The following ATG7 variants were observed in gnomAD, a reference collection of about 807,000 sequenced individuals.
The protein encoded by ATG7 is ubiquitin-like modifier-activating enzyme ATG7.
ATG7 carries 70 observed loss-of-function variants against 82.4 expected under a neutral mutation model. The ratio of observed to expected loss-of-function variants is 0.85; its 90% CI spans 0.70 to 1.04. The LOEUF (loss-of-function observed/expected upper bound fraction) is 1.04, where lower values mean the gene tolerates loss of function less well. Ranked by LOEUF, ATG7 falls within the 50% of genes least tolerant of loss-of-function variation. ATG7 has a pLI of 0.00. For missense variants in ATG7, 792 were observed against 864.3 expected, an observed-to-expected ratio of 0.92 and a Z score of 1.05; for synonymous variants, 287 against 313.0, an observed-to-expected ratio of 0.92 and a Z score of 0.88.
At chr3:11,503,013 T>A (rs987836811) in intron 20 of ATG7, among the ~76,000 whole-genome samples, 1 of 152,142 alleles carries the variant, frequency 6.6e-6, no homozygotes, top group East Asian at 1.9e-4. Context: ...ATTAAATGAA[T>A]GTTTACATAC....
chr3:11,541,270 G>A (rs111974898), intron 20 of ATG7, among the ~76,000 whole-genome samples: 3 of 152,332 alleles, frequency 2.0e-5, no homozygotes, highest in African/African-American at 7.2e-5. Context: ...AGTTAAGGGT[G>A]AAAGTTCATT....
chr3:11,352,086 G>A (rs1252035728), intron 14 of ATG7, among the ~76,000 whole-genome samples: 1 of 149,080 alleles, frequency 6.7e-6, no homozygotes, highest in Non-Finnish European at 1.5e-5. Flanking sequence ...CCACATATGA[G>A]TGAGAACACG....
intron 13 of ATG7, 115 bp downstream of exon 13, chr3:11,342,394 C>G (rs1953792905): frequency 7.7e-7 from 1 of 1,295,770 alleles, no homozygotes; most frequent in African/African-American, 1.5e-5. Flanking sequence ...ATCTCTCCCT[C>G]CCTTCCTTTT....
intron 1 of ATG7, among the ~76,000 whole-genome samples, chr3:11,274,838 T>G (rs1941358849): frequency 6.6e-6 from 1 of 151,864 alleles, no homozygotes; most frequent in South Asian, 2.1e-4. Flanking sequence ...CAGTAGTCAT[T>G]AATATTGCCA....
At chr3:11,336,641 G>T (rs1278884605) in intron 11 of ATG7, among the ~76,000 whole-genome samples, 1 of 152,072 alleles carries the variant, frequency 6.6e-6, no homozygotes, top group Non-Finnish European at 1.5e-5. Flanking sequence ...CATGGTAATG[G>T]TATAAGGAGT....
intron 13 of ATG7, among the ~76,000 whole-genome samples, chr3:11,347,612 C>T (rs1297712538): frequency 6.6e-6 from 1 of 152,158 alleles, no homozygotes; most frequent in East Asian, 1.9e-4. Flanking sequence ...GTGACACTGT[C>T]AAAAATAATT....
intron 14 of ATG7, among the ~76,000 whole-genome samples, chr3:11,353,545 C>A (rs980394960): frequency 1.3e-5 from 2 of 152,158 alleles, no homozygotes; most frequent in Non-Finnish European, 1.5e-5. Context: ...GAATTGTGAT[C>A]CTCACTGTTG....
the ATG7 span, among the ~76,000 whole-genome samples, chr3:11,568,095 G>A: frequency 6.6e-6 from 1 of 152,256 alleles, no homozygotes; most frequent in Non-Finnish European, 1.5e-5. This position sits in a 1 kb window ranked among gnomAD's most constrained non-coding sequence, Gnocchi z 5.9. Flanking sequence ...AAAGGCCCGG[G>A]AGGGGCTGCA....
intron 1 of ATG7, among the ~76,000 whole-genome samples, chr3:11,277,683 C>G (rs1942107650): frequency 6.6e-6 from 1 of 152,150 alleles, no homozygotes; most frequent in African/African-American, 2.4e-5. Flanking sequence ...TGATAAGGGT[C>G]TATGTTCAGC....
chr3:11,337,469 GCTCTCT>G (rs66816143), intron 11 of ATG7, among the ~76,000 whole-genome samples: 6 of 149,430 alleles, frequency 4.0e-5, no homozygotes, highest in African/African-American at 9.8e-5. Flanking sequence ...TGTCTTTCTA[GCTCTCT>G]CTCTCTCTCT....
At position 11,490,094 on chromosome 3, in the gene ATG7, A is replaced by G. The variant is rs547104212; in HGVS notation, c.2079+63168A>G. 3.9e-5 allele frequency among the ~76,000 whole-genome samples: 6 copies of G among 152,018 alleles called. No individual in the cohort carries two copies. The South Asian group carries it at 1.0e-3, about 26-fold the overall frequency. On this transcript the variant is annotated intron_variant, in intron 20 of 20. Transcript: ENST00000693202. ...CAGTGGGGTGTTAAAGTCTCCCATTATTATTGTGTGGGAGTCTAAGTCTCT... is the reference window on the plus strand; with the variant it reads ...CAGTGGGGTGTTAAAGTCTCCCATTGTTATTGTGTGGGAGTCTAAGTCTCT...
chr3:11,361,997 TAAAGA>T (rs1341070148), intron 16 of ATG7, among the ~76,000 whole-genome samples: 1 of 152,194 alleles, frequency 6.6e-6, no homozygotes, highest in Non-Finnish European at 1.5e-5. Flanking sequence ...CCTCCCAATA[TAAAGA>T]AAAGAAGATG....
chr3:11,451,060 C>A (rs1205649437), intron 20 of ATG7, among the ~76,000 whole-genome samples: 1 of 152,022 alleles, frequency 6.6e-6, no homozygotes, highest in African/African-American at 2.4e-5. Flanking sequence ...AAACCCAGGA[C>A]AAATATTTAT....
At chr3:11,440,673 G>GTTTTTTTT (rs2083836620) in intron 20 of ATG7, among the ~76,000 whole-genome samples, 7 of 32,702 alleles carry the variant, frequency 2.1e-4, no homozygotes, top group African/African-American at 6.8e-4. Flanking sequence ...GTCCCCATTT[G>GTTTTTTTT]CTTTTTTTTT....
At chr3:11,568,741 G>A in the ATG7 span, 96 of 1,529,990 alleles carry the variant, frequency 6.3e-5, no homozygotes, top group Non-Finnish European at 7.6e-5. This position sits in a 1 kb window ranked among gnomAD's most constrained non-coding sequence, Gnocchi z 5.9. Context: ...AAAACCGCAC[G>A]CATCCTGCCC....
chr3:11,410,527 C>G lies in ATG7; in HGVS notation c.1957-16277C>G, dbSNP rs552160067. Among the ~76,000 whole-genome samples the G allele has an allele frequency of 1.5e-4, 23 of 152,266 alleles. No homozygotes were observed. The South Asian group carries it at 3.5e-3, about 23-fold the overall frequency. On this transcript the variant is annotated intron_variant, in intron 19 of 20. Coordinates refer to ENST00000693202, the MANE Select transcript of ATG7 (RefSeq NM_001349232.2). ...ATAATATTGGCAGTTATCACCACCA[C>G]TTACCTTCACAATTCTTTTCTTTTA...
intron 9 of ATG7, among the ~76,000 whole-genome samples, chr3:11,316,666 T>C (rs989495410): frequency 9.9e-5 from 15 of 152,254 alleles, no homozygotes; most frequent in African/African-American, 3.1e-4. Flanking sequence ...GTCTGCATAG[T>C]GTCTAGTACT....
intron 19 of ATG7, among the ~76,000 whole-genome samples, chr3:11,404,863 A>G (rs1576146441): frequency 1.3e-5 from 2 of 151,696 alleles, no homozygotes; most frequent in African/African-American, 2.4e-5. Flanking sequence ...CATGAGAAAG[A>G]CCCGCCCCCA....
chr3:11,469,239 C>T (rs959686612), intron 20 of ATG7, among the ~76,000 whole-genome samples: 4 of 152,040 alleles, frequency 2.6e-5, no homozygotes, highest in Non-Finnish European at 5.9e-5. Flanking sequence ...CACCTAAGGT[C>T]GGGAGTTCAA....
Sources: gnomAD v4.1 joint callset for allele counts (sites outside exome capture counted in the v4.1 genomes callset) on GRCh38, gnomAD v4.1.1 for gene constraint, Gnocchi (gnomAD v3.1) non-coding constraint, MANE v1.5 for transcripts, NCBI Gene and HGNC (gene_info 2026-07-23, HGNC 2026-07-21) for gene names.